The following NCS1 variants were observed in gnomAD, a reference collection of about 807,000 sequenced individuals.
NCS1 encodes the protein frequenin homolog.
NCS1 carries 6 observed loss-of-function variants against 28.4 expected under a neutral mutation model. That is an observed-to-expected ratio of 0.21 (90% confidence interval 0.12 to 0.42). The LOEUF (loss-of-function observed/expected upper bound fraction) is 0.42, where lower values mean the gene tolerates loss of function less well. Among genes scored for constraint, NCS1 ranks in the 10% least tolerant of loss-of-function variants. The pLI is 1.00. For missense variants in NCS1, 131 were observed against 241.4 expected (o/e 0.54, Z 3.03); for synonymous variants, 86 against 99.3 (o/e 0.87, Z 0.79).
In NCS1 at chr9:130,209,540, C is replaced by T. The variant is rs1183861160; in HGVS notation, c.90-8292C>T. Reference sequence around the variant, plus strand: ...CACCTACTCTATGCCAGGCCAGTGCCGGTTGCGGGCGGGCATCCGGGACTG... The same window carrying T: ...CACCTACTCTATGCCAGGCCAGTGCTGGTTGCGGGCGGGCATCCGGGACTG... On this transcript the variant is annotated intron_variant, in intron 2 of 7. Coordinates refer to ENST00000372398, the MANE Select transcript of NCS1 (RefSeq NM_014286.4). This position sits in a 1 kb window ranked among gnomAD's most constrained non-coding sequence, Gnocchi z 4.4. Among the ~76,000 whole-genome samples the T allele has an allele frequency of 2.0e-5, 3 of 152,124 alleles. No homozygotes were observed. Among genetic ancestry groups the T allele is most frequent in the East Asian group, 1.9e-4 (1 of 5,178 alleles).
At chr9:130,183,711 C>T (rs968925501) in intron 1 of NCS1, among the ~76,000 whole-genome samples, 2 of 146,528 alleles carry the variant, frequency 1.4e-5, no homozygotes, top group Non-Finnish European at 3.1e-5. Flanking sequence ...TTCTCTCTCT[C>T]CCTTCCTTCC....
Position 130,210,688 on chromosome 9 carries a change from G to T in NCS1, c.90-7144G>T, listed in dbSNP as rs552397922. 5.9e-5 allele frequency among the ~76,000 whole-genome samples: 9 copies of T among 152,204 alleles called. No individual in the cohort carries two copies. In the South Asian group the frequency reaches 1.5e-3, roughly 25 times the overall value. ...GGTTGGCTCTCACCTCACAGATGAG[G>T]AAACCGAGACTCTGAGGGGAACCGT... is the stretch of plus-strand genomic sequence containing the variant. On this transcript the variant is annotated intron_variant, in intron 2 of 7. Coordinates refer to ENST00000372398, the MANE Select transcript of NCS1 (RefSeq NM_014286.4).
At chr9:130,202,035 C>T (rs1389476079) in intron 2 of NCS1, among the ~76,000 whole-genome samples, 2 of 152,234 alleles carry the variant, frequency 1.3e-5, no homozygotes, top group African/African-American at 4.8e-5. Flanking sequence ...ACATGTTCTC[C>T]CTGCCTTCAC....
rs1369324958 is a variant in NCS1 at position 130,235,304 on chromosome 9, G to A, written c.*2332G>A. The stretch of plus-strand genomic sequence containing the variant: ...TCAGCTGGGCTCTGACCTGGGGTCT[G>A]GGGCAGGGAACGAACATGGTGGCTT... On this transcript the variant is annotated 3_prime_UTR_variant, in exon 8 of 8. Coordinates refer to ENST00000372398, the MANE Select transcript of NCS1 (RefSeq NM_014286.4). 1.3e-5 allele frequency: 2 copies of A among 152,548 alleles called. No individual in the cohort carries two copies. Among genetic ancestry groups the A allele is most frequent in the East Asian group, 1.9e-4 (1 of 5,180 alleles). 9.4% of individuals were successfully genotyped at this position (152,548 alleles called of 1,614,324 possible).
intron 1 of NCS1, among the ~76,000 whole-genome samples, chr9:130,197,746 T>C (rs1832894016): frequency 6.6e-6 from 1 of 152,022 alleles, no homozygotes; most frequent in African/African-American, 2.4e-5. Flanking sequence ...ACGTATCACT[T>C]GAGATGAGGA....
At chr9:130,189,880 ATATATATAT>A (rs1307252221) in intron 1 of NCS1, among the ~76,000 whole-genome samples, 5 of 47,514 alleles carry the variant, frequency 1.1e-4, no homozygotes, top group African/African-American at 5.5e-4. Flanking sequence ...AAAAAAAAAA[ATATATATAT>A]ATATATATAT....
chr9:130,207,222 C>G (rs553404506), intron 2 of NCS1, among the ~76,000 whole-genome samples: 2 of 152,246 alleles, frequency 1.3e-5, no homozygotes, highest in Non-Finnish European at 2.9e-5. Context: ...TGGCCCCATA[C>G]AGCCTCTGCT....
In NCS1 at chr9:130,217,928, C is replaced by G; in HGVS notation, c.186C>G (p.Thr62=). ...AATTCTTCCCGTTCGGAGACCCCAC[C>G]AAGTTTGCCACATTTGTTTTCAACG... is the stretch of plus-strand genomic sequence containing the variant. ...YKQFFPFGDP[T]KFATFVFNVF... is the part of the protein sequence containing the mutation. The change falls in exon 3 of 8, where the codon ACC becomes ACG. Residue 62 remains threonine (T), a synonymous_variant. Coordinates refer to ENST00000372398, the MANE Select transcript of NCS1 (RefSeq NM_014286.4). The G allele has an allele frequency of 6.2e-7, 1 of 1,614,210 alleles. No individual in the cohort carries two copies. The highest frequency in any genetic ancestry group is 8.5e-7 in the Non-Finnish European group (1 of 1,180,034).
In NCS1 at chr9:130,177,067, G is replaced by A. The variant is rs1189696639; in HGVS notation, c.64+4340G>A. Among the ~76,000 whole-genome samples the A allele has an allele frequency of 6.6e-6, 1 of 152,186 alleles. No individual in the cohort carries two copies. The highest frequency in any genetic ancestry group is 1.5e-5 in the Non-Finnish European group (1 of 68,038). ...TCAGCCCAGGCTCTGCCTTGACCTT[G>A]CCTGCCAACCTTGACTCTCCTCTGC... On this transcript the variant is annotated intron_variant, in intron 1 of 7. Coordinates refer to ENST00000372398, the MANE Select transcript of NCS1 (RefSeq NM_014286.4). The surrounding 1 kb of genome is among the most constrained non-coding windows in gnomAD (Gnocchi z 4.4).
chr9:130,182,511 G>C (rs1431115147), intron 1 of NCS1, among the ~76,000 whole-genome samples: 3 of 152,208 alleles, frequency 2.0e-5, no homozygotes, highest in African/African-American at 7.2e-5. Flanking sequence ...GGAGATTTGG[G>C]GCAGCCTCCG....
Position 130,226,395 on chromosome 9 carries a change from G to A in NCS1, c.481G>A (p.Asp161Asn). 2.5e-6 allele frequency: 4 copies of A among 1,613,992 alleles called. No homozygotes were observed. The highest frequency in any genetic ancestry group is 3.4e-6 in the Non-Finnish European group (4 of 1,179,938). Residue 161 changes from aspartate (D) to asparagine (N), a missense_variant, in exon 7 of 8, where the codon GAC becomes AAC. By Grantham distance (23) the Asp-to-Asn change is conservative. Transcript: ENST00000372398. The surrounding 1 kb of genome is among the most constrained non-coding windows in gnomAD (Gnocchi z 4.8). ...CGCCTCTCTCTGCTCACAGAATGCC[G>A]ACGGGAAGCTGACCCTGCAGGAGTT... ...RIFAMMDKNA[D>N]GKLTLQEFQE... is the part of the protein sequence containing the mutation.
Position 130,185,900 on chromosome 9 carries a change from T to C in NCS1, c.64+13173T>C, listed in dbSNP as rs144565918. Among the ~76,000 whole-genome samples the C allele has an allele frequency of 3.3e-3, 497 of 152,350 alleles. 4 individuals carry two copies. The highest frequency in any genetic ancestry group is 0.012 in the African/African-American group (481 of 41,582). On this transcript the variant is annotated intron_variant, in intron 1 of 7. Transcript: ENST00000372398. Reference sequence around the variant, plus strand: ...GCCTTTGCTGCGCCTGAGCGCAACATGATCTCAATTAAAATGAAGAGCAGC... The same window carrying C: ...GCCTTTGCTGCGCCTGAGCGCAACACGATCTCAATTAAAATGAAGAGCAGC...
chr9:130,173,207 G>T (rs946497397), intron 1 of NCS1, among the ~76,000 whole-genome samples: 4 of 151,964 alleles, frequency 2.6e-5, no homozygotes, highest in East Asian at 1.9e-4. Flanking sequence ...TGTGGGGGGG[G>T]GGGTGGCGAG....
chr9:130,231,877 GA>G (rs71499227), intron 7 of NCS1, among the ~76,000 whole-genome samples: 693 of 135,360 alleles, frequency 5.1e-3, no homozygotes, highest in East Asian at 0.013. Flanking sequence ...TATTTTCCAT[GA>G]AAAAAAAAAA....
At chr9:130,210,400 G>GAA (rs3055585) in intron 2 of NCS1, among the ~76,000 whole-genome samples, 9,121 of 125,180 alleles carry the variant, frequency 0.073, 397 homozygotes, top group Middle Eastern at 0.11. Flanking sequence ...CTCAGTCTTA[G>GAA]AAAAAAAAAA....
chr9:130,227,203 G>A (rs1441144411), intron 7 of NCS1, among the ~76,000 whole-genome samples: 5 of 152,192 alleles, frequency 3.3e-5, no homozygotes, highest in African/African-American at 7.2e-5. Context: ...ATGATAGCAC[G>A]CCTGGCAGAG....
At position 130,192,421 on chromosome 9, in the gene NCS1, G is replaced by C. The variant is rs529931349; in HGVS notation, c.65-8537G>C. Among the ~76,000 whole-genome samples, 5 of 152,080 alleles carry C rather than the reference G, an allele frequency of 3.3e-5. No homozygotes were observed. The highest frequency in any genetic ancestry group is 7.4e-5 in the Non-Finnish European group (5 of 68,000). The stretch of plus-strand genomic sequence containing the variant: ...TTCCTGTCCTCACTCCAGCCCTCTC[G>C]GGGGCTGCTCTTCCTGGACACGGGG... On this transcript the variant is annotated intron_variant, in intron 1 of 7. Transcript: ENST00000372398. The surrounding 1 kb of genome is among the most constrained non-coding windows in gnomAD (Gnocchi z 4.8).
intron 2 of NCS1, among the ~76,000 whole-genome samples, chr9:130,202,354 A>G (rs7045735): frequency 0.46 from 52,377 of 114,596 alleles, 8,015 homozygotes; most frequent in African/African-American, 0.51. Context: ...CCTCCCCCCC[A>G]CCCCCTGAAA....
chr9:130,180,745 A>G lies in NCS1; in HGVS notation c.64+8018A>G, dbSNP rs1275574268. Among the ~76,000 whole-genome samples the G allele has an allele frequency of 6.6e-6, 1 of 152,214 alleles. No homozygotes were observed. The highest frequency in any genetic ancestry group is 1.5e-5 in the Non-Finnish European group (1 of 68,048). ...GTGCTCAGTAAATGCTCTCCCAGGA[A>G]GGAGGCTGCTGGACCGGCTGTATCA... is the stretch of plus-strand genomic sequence containing the variant. On this transcript the variant is annotated intron_variant, in intron 1 of 7. Transcript: ENST00000372398. This position sits in a 1 kb window ranked among gnomAD's most constrained non-coding sequence, Gnocchi z 4.5.
Sources: allele counts gnomAD v4.1 joint callset (sites outside exome capture counted in the v4.1 genomes callset), GRCh38; gene constraint gnomAD v4.1.1; non-coding constraint Gnocchi (gnomAD v3.1); transcripts MANE v1.5; gene names NCBI Gene and HGNC (gene_info 2026-07-23, HGNC 2026-07-21).